The following C9orf72 variants were observed in gnomAD, a reference collection of about 807,000 sequenced individuals.
C9orf72 encodes C9orf72-SMCR8 complex subunit.
Under a neutral mutation model 51.6 loss-of-function variants are expected in C9orf72, and 44 were observed. The observed-to-expected ratio is 0.85, with a 90% CI of 0.67 to 1.10. The LOEUF (loss-of-function observed/expected upper bound fraction) is 1.10, where lower values mean the gene tolerates loss of function less well. Ranked by LOEUF, C9orf72 falls within the 50% of genes least tolerant of loss-of-function variation. C9orf72 has a pLI of 0.00. For missense variants in C9orf72, 607 were observed against 570.6 expected (o/e 1.06, Z -0.65); for synonymous variants, 213 against 194.2 (o/e 1.10, Z -0.81).
intron 8 of C9orf72, among the ~76,000 whole-genome samples, chr9:27,553,493 A>AT (rs1563899895): frequency 6.6e-6 from 1 of 152,236 alleles, no homozygotes; most frequent in Non-Finnish European, 1.5e-5. Context: ...TGGTGCTGGG[A>AT]TAATTGCTAG....
At chr9:27,560,132 T>A (rs1026478163) in intron 6 of C9orf72, 95 bp downstream of exon 6, 19 of 766,082 alleles carry the variant, frequency 2.5e-5, no homozygotes, top group Non-Finnish European at 3.9e-5. Flanking sequence ...TACTACTAGA[T>A]CATTTTAATT....
At chr9:27,570,927 G>T (rs1003093338) in intron 1 of C9orf72, among the ~76,000 whole-genome samples, 1 of 151,946 alleles carries the variant, frequency 6.6e-6, no homozygotes, top group African/African-American at 2.4e-5. Context: ...GAAGGACAAA[G>T]ATCATACTGA....
chr9:27,559,100 G>A (rs1313359642), intron 6 of C9orf72: 4 of 152,108 alleles, frequency 2.6e-5, no homozygotes, highest in Non-Finnish European at 5.9e-5. Context: ...AGCTCTATTA[G>A]GAAAAATAAA....
rs1820817159 is a variant in C9orf72, at chr9:27,548,339, ATTATG to A, written c.1338_1342del (p.Ile447AsnfsTer5). Reference sequence around the variant, plus strand: ...TTTAATTTTCTCAGCCAGAGCCATTATTATGTTAAGATCGCCCTCTGCTGTTAAAT... The same window carrying A: ...TTTAATTTTCTCAGCCAGAGCCATTATTAAGATCGCCCTCTGCTGTTAAAT... On this transcript the variant is annotated frameshift_variant, in exon 11 of 11. Transcript: ENST00000380003. LOFTEE classifies it high-confidence loss of function. 6.4e-7 allele frequency: 1 copy of A among 1,568,780 alleles called. No individual in the cohort carries two copies. The highest frequency in any genetic ancestry group is 1.4e-5 in the African/African-American group (1 of 71,742).
In C9orf72 at chr9:27,566,767, C is replaced by T. The variant is rs1452135225; in HGVS notation, c.354G>A (p.Gln118=). 6.2e-7 allele frequency: 1 copy of T among 1,613,766 alleles called. No individual in the cohort carries two copies. Among genetic ancestry groups the T allele is most frequent in the Admixed American group, 1.7e-5 (1 of 60,000 alleles). The change falls in exon 2 of 11, where the codon CAG becomes CAA. Residue 118 remains glutamine (Q), a synonymous_variant. Transcript: ENST00000380003. ...STYGLSIILP[Q]TELSFYLPLH... ...GTGGGAGGTAGAAACTAAGTTCTGTCTGTGGAAGTATAATTGATAGTCCAT... is the reference window on the plus strand; with the variant it reads ...GTGGGAGGTAGAAACTAAGTTCTGTTTGTGGAAGTATAATTGATAGTCCAT...
chr9:27,565,507 T>C, intron 3 of C9orf72, 24 bp downstream of exon 3: 1 of 1,495,056 alleles, frequency 6.7e-7, no homozygotes, highest in Non-Finnish European at 9.3e-7. Context: ...GAAAAACATT[T>C]GACAGTATGC....
chr9:27,570,765 G>A (rs1459658788), intron 1 of C9orf72, among the ~76,000 whole-genome samples: 3 of 152,120 alleles, frequency 2.0e-5, no homozygotes, highest in African/African-American at 7.2e-5. Context: ...TACTCGGGAG[G>A]CTGAGGCAGG....
intron 1 of C9orf72, among the ~76,000 whole-genome samples, chr9:27,572,630 G>A (rs963614588): frequency 1.3e-5 from 2 of 151,978 alleles, no homozygotes; most frequent in Non-Finnish European, 2.9e-5. Flanking sequence ...GCATCTGAAA[G>A]GGCCACCCCT....
chr9:27,566,643 G>T (rs909357657), intron 2 of C9orf72, 34 bp downstream of exon 2: 26 of 1,454,560 alleles, frequency 1.8e-5, no homozygotes, highest in Non-Finnish European at 2.3e-5. Context: ...CAACAGATAG[G>T]TTAACATGAT....
chr9:27,560,361 C>CA (rs35465075), intron 5 of C9orf72, 62 bp from the exon 6 acceptor site: 71 of 1,292,060 alleles, frequency 5.5e-5, no homozygotes, highest in South Asian at 6.8e-5. Flanking sequence ...AAACTAAAAA[C>CA]AAAAAAAAGT....
rs1340645714 is a variant in C9orf72, at chr9:27,566,719, T to C, written c.402A>G (p.Arg134=). The C allele has an allele frequency of 5.6e-6, 9 of 1,612,652 alleles. No individual in the cohort carries two copies. Among genetic ancestry groups the C allele is most frequent in the Admixed American group, 3.3e-5 (2 of 59,802 alleles). ...TTCCTTTCCGGATTATATGTGTTAA[T>C]CTATCAACACACACTCTATGAAGTG... The part of the protein sequence containing the change: ...YLPLHRVCVD[R]LTHIIRKGRI... The change falls in exon 2 of 11, where the codon AGA becomes AGG. Residue 134 remains arginine, a synonymous_variant. Transcript: ENST00000380003.
chr9:27,569,933 A>T (rs1443066248), intron 1 of C9orf72, among the ~76,000 whole-genome samples: 1 of 152,212 alleles, frequency 6.6e-6, no homozygotes, highest in Non-Finnish European at 1.5e-5. Flanking sequence ...GTTCAGTCTG[A>T]TGGAAAGCAC....
intron 8 of C9orf72, chr9:27,554,575 T>C: frequency 5.0e-6 from 2 of 398,286 alleles, no homozygotes; most frequent in East Asian, 7.1e-5. Context: ...CACCAAACCC[T>C]CATGACACGC....
At chr9:27,552,602 C>T (rs555196284) in intron 8 of C9orf72, among the ~76,000 whole-genome samples, 7 of 148,614 alleles carry the variant, frequency 4.7e-5, no homozygotes, top group South Asian at 2.1e-4. Context: ...GAGATATGCC[C>T]GCCTTGGCCT....
chr9:27,570,741 C>A (rs1439180685), intron 1 of C9orf72, among the ~76,000 whole-genome samples: 1 of 152,084 alleles, frequency 6.6e-6, no homozygotes, highest in African/African-American at 2.4e-5. Flanking sequence ...GTGGTGGACA[C>A]CTGTAATCCC....
chr9:27,558,534 G>A lies in C9orf72; in HGVS notation c.812C>T (p.Ser271Leu). The change falls in exon 7 of 11, where the codon TCA becomes TTA. Residue 271 changes from serine to leucine, a missense_variant. Ser to Leu is a moderately radical substitution (Grantham distance 145, BLOSUM62 -2). Coordinates refer to ENST00000380003, the MANE Select transcript of C9orf72 (RefSeq NM_018325.5). ...KCSRLCEAES[S>L]FKYESGLFVQ... ...AAAGAGCCCTGACTCATATTTAAAT[G>A]ATGATTCTGCTTCACATAACCTGGA... 2 of 1,608,182 alleles carry A rather than the reference G, an allele frequency of 1.2e-6. No individual in the cohort carries two copies. Among genetic ancestry groups the A allele is most frequent in the South Asian group, 1.1e-5 (1 of 90,664 alleles).
rs1003141167 is a variant in C9orf72 at position 27,558,098 on chromosome 9, T to C, written c.855+393A>G. Among the ~76,000 whole-genome samples the C allele has an allele frequency of 7.6e-4, 114 of 150,082 alleles. 8 individuals carry two copies. The highest frequency in any genetic ancestry group is 4.4e-5 in the Non-Finnish European group (3 of 67,496). ...AGAAATATATATATTTTAGTACACATACATAGGAATTGCTTAAATCCTATA... is the reference window on the plus strand; with the variant it reads ...AGAAATATATATATTTTAGTACACACACATAGGAATTGCTTAAATCCTATA... On this transcript the variant is annotated intron_variant, in intron 7 of 10. Transcript: ENST00000380003.
intron 3 of C9orf72, among the ~76,000 whole-genome samples, chr9:27,564,577 CTG>C (rs1563904595): frequency 6.6e-6 from 1 of 152,072 alleles, no homozygotes; most frequent in Non-Finnish European, 1.5e-5. Context: ...CACAGAATAA[CTG>C]TCTCTGAATT....
In C9orf72 at chr9:27,565,344, T is replaced by G. The variant is rs137878645; in HGVS notation, c.504+187A>C. 4.7e-3 allele frequency among the ~76,000 whole-genome samples: 715 copies of G among 152,304 alleles called. 4 individuals carry two copies. Among genetic ancestry groups the G allele is most frequent in the Middle Eastern group, 0.01 (3 of 294 alleles). On this transcript the variant is annotated intron_variant, in intron 3 of 10. Transcript: ENST00000380003. Reference sequence around the variant, plus strand: ...TGTAGATGCAATTACTATTTTCCTTTGTTTACTGATTTAACTCTTTGGGTT... The same window carrying G: ...TGTAGATGCAATTACTATTTTCCTTGGTTTACTGATTTAACTCTTTGGGTT...
Sources: gnomAD v4.1 joint callset for allele counts (sites outside exome capture counted in the v4.1 genomes callset) on GRCh38, gnomAD v4.1.1 for gene constraint, MANE v1.5 for transcripts, NCBI Gene and HGNC (gene_info 2026-07-23, HGNC 2026-07-21) for gene names.